TIMM21: variants seen among roughly 807,000 people sequenced by gnomAD.
TIMM21 encodes translocase of inner mitochondrial membrane 21.
TIMM21 carries 30 observed loss-of-function variants against 27.7 expected under a neutral mutation model. The observed-to-expected ratio is 1.08, with a 90% CI of 0.81 to 1.47. TIMM21 has a LOEUF of 1.47. Ranked by LOEUF, TIMM21 falls within the 40% of genes most tolerant of loss-of-function variation. The pLI, the probability that TIMM21 is intolerant of heterozygous loss-of-function variation, is 0.00. For missense variants in TIMM21, 292 were observed against 302.9 expected, an observed-to-expected ratio of 0.96 and a Z score of 0.27; for synonymous variants, 121 against 114.4, an observed-to-expected ratio of 1.06 and a Z score of -0.37.
Position 74,158,008 on chromosome 18 carries a change from C to G in TIMM21, c.463-6C>G. On this transcript the variant is annotated splice_region_variant and splice_polypyrimidine_tract_variant and intron_variant, in intron 3 of 5. Coordinates refer to ENST00000169551, the MANE Select transcript of TIMM21 (RefSeq NM_014177.3). Reference sequence around the variant, plus strand: ...CACAAAATAAAGCACTGTCCTTGTTCTGCAGGTGATCGGTGTCTTTGGTGA... The same window carrying G: ...CACAAAATAAAGCACTGTCCTTGTTGTGCAGGTGATCGGTGTCTTTGGTGA... The G allele has an allele frequency of 6.2e-7, 1 of 1,614,054 alleles. No homozygotes were observed. The highest frequency in any genetic ancestry group is 8.5e-7 in the Non-Finnish European group (1 of 1,179,946).
At chr18:74,153,939 T>C (rs1481031471) in intron 1 of TIMM21, among the ~76,000 whole-genome samples, 7 of 152,020 alleles carry the variant, frequency 4.6e-5, no homozygotes, top group Non-Finnish European at 1.0e-4. Flanking sequence ...ATAAACATAA[T>C]GCCAGGAGGT....
intron 1 of TIMM21, among the ~76,000 whole-genome samples, chr18:74,154,422 C>T (rs944903313): frequency 5.9e-5 from 9 of 152,108 alleles, no homozygotes; most frequent in African/African-American, 1.4e-4. Context: ...CCACTGCGCC[C>T]GGGTAATTTT....
chr18:74,155,162 G>C lies in TIMM21; in HGVS notation c.319G>C (p.Asp107His). 4 of 1,614,222 alleles carry C rather than the reference G, an allele frequency of 2.5e-6. No homozygotes were observed. Among genetic ancestry groups the C allele is most frequent in the Non-Finnish European group, 3.4e-6 (4 of 1,180,038 alleles). ...CTTCACAGTGAAAGAAGCCGGAAGA[G>C]ATTTTACCTATTTAATAGTGGTGCT... Reference protein sequence around the residue: ...TSQKVKEAGRDFTYLIVVLFG... With the variant: ...TSQKVKEAGRHFTYLIVVLFG... The change falls in exon 2 of 6, where the codon GAT becomes CAT. Residue 107 changes from aspartate to histidine, a missense_variant. Coordinates refer to ENST00000169551, the MANE Select transcript of TIMM21 (RefSeq NM_014177.3).
intron 3 of TIMM21, chr18:74,156,997 T>C (rs937896944): frequency 5.9e-5 from 9 of 152,236 alleles, no homozygotes; most frequent in Non-Finnish European, 1.3e-4. Context: ...TACATATTAC[T>C]TCTTTTTATC....
intron 3 of TIMM21, chr18:74,156,212 C>T (rs574712302): frequency 5.0e-6 from 2 of 398,502 alleles, no homozygotes; most frequent in South Asian, 2.5e-4. Context: ...AGGTAATCGT[C>T]TGCCATTATC....
chr18:74,154,185 C>T (rs1354546736), intron 1 of TIMM21, among the ~76,000 whole-genome samples: 1 of 152,018 alleles, frequency 6.6e-6, no homozygotes, highest in African/African-American at 2.4e-5. Context: ...GACAAATAAG[C>T]GTACTTGTAT....
chr18:74,150,568 C>G (rs544603330), intron 1 of TIMM21, among the ~76,000 whole-genome samples: 1 of 152,174 alleles, frequency 6.6e-6, no homozygotes, highest in Non-Finnish European at 1.5e-5. Flanking sequence ...CTGTTATTAT[C>G]TGTTTCATGT....
chr18:74,151,196 G>T (rs1471892880), intron 1 of TIMM21, among the ~76,000 whole-genome samples: 1 of 152,154 alleles, frequency 6.6e-6, no homozygotes, highest in Non-Finnish European at 1.5e-5. Context: ...AGGACGGGGG[G>T]AGTCAGTTAC....
intron 3 of TIMM21, 95 bp downstream of exon 3, chr18:74,155,498 C>G: frequency 1.0e-6 from 1 of 986,666 alleles, no homozygotes; most frequent in South Asian, 1.6e-5. Context: ...AGTTCTCACG[C>G]TAGTGAAATT....
At chr18:74,157,812 G>A in intron 3 of TIMM21, 1 of 588,428 alleles carries the variant, frequency 1.7e-6, no homozygotes, top group Non-Finnish European at 3.0e-6. Context: ...GGCCAGGCTA[G>A]TCTTGAACTC....
intron 1 of TIMM21, among the ~76,000 whole-genome samples, chr18:74,154,862 C>T (rs1439693413): frequency 1.3e-5 from 2 of 152,184 alleles, no homozygotes; most frequent in Non-Finnish European, 2.9e-5. Flanking sequence ...AGCACTCTTC[C>T]TAATCTGGGA....
intron 3 of TIMM21, 24 bp from the exon 4 acceptor site, chr18:74,157,985 CAAAAT>C: frequency 1.9e-6 from 3 of 1,604,894 alleles, no homozygotes; most frequent in African/African-American, 1.3e-5. Flanking sequence ...AAAAATAACA[CAAAAT>C]AAAGCACTGT....
rs1034472163 is a variant in TIMM21, at chr18:74,148,712, T to C, written c.-97T>C. On this transcript the variant is annotated 5_prime_UTR_variant, in exon 1 of 6. Transcript: ENST00000169551. The stretch of plus-strand genomic sequence containing the variant: ...TAACACCCCATGTAATGTAAACGTA[T>C]AGGCTTGAGTACGTGTCCGGCCGCA... 7.9e-7 allele frequency: 1 copy of C among 1,260,212 alleles called. No individual in the cohort carries two copies. The highest frequency in any genetic ancestry group is 1.1e-6 in the Non-Finnish European group (1 of 901,556). 78.1% of individuals were successfully genotyped at this position (1,260,212 alleles called of 1,614,324 possible). A position where few individuals can be genotyped will look rare whatever the true frequency, so the allele number is the denominator to read the frequency against.
At chr18:74,155,793 T>C (rs1365885808) in intron 3 of TIMM21, among the ~76,000 whole-genome samples, 1 of 152,200 alleles carries the variant, frequency 6.6e-6, no homozygotes, top group Non-Finnish European at 1.5e-5. Flanking sequence ...TCTCAGTGCA[T>C]CATCTTTATT....
At chr18:74,155,442 G>A (rs775851315) in intron 3 of TIMM21, 39 bp downstream of exon 3, 1 of 1,534,032 alleles carries the variant, frequency 6.5e-7, no homozygotes, top group East Asian at 2.2e-5. Context: ...CTCTGATGAG[G>A]GGGAGAAAAT....
chr18:74,157,649 T>G (rs3794949), intron 3 of TIMM21: 41,674 of 172,060 alleles, frequency 0.24, 8,027 homozygotes, highest in African/African-American at 0.54. Context: ...AGGCTGGAGT[T>G]CAGTGGCACG....
intron 1 of TIMM21, among the ~76,000 whole-genome samples, chr18:74,153,056 T>C (rs1002399764): frequency 3.9e-5 from 6 of 152,174 alleles, no homozygotes; most frequent in Non-Finnish European, 5.9e-5. Flanking sequence ...CCGCTACCAG[T>C]GCTCCCTGCA....
chr18:74,149,643 T>G (rs1979742187), intron 1 of TIMM21, among the ~76,000 whole-genome samples: 1 of 149,280 alleles, frequency 6.7e-6, no homozygotes, highest in Admixed American at 6.6e-5. Context: ...CGAAGATGAC[T>G]ATTTTTAACA....
At position 74,159,755 on chromosome 18, in the gene TIMM21, T is replaced by C. The variant is rs1362085779; in HGVS notation, c.*1275T>C. The C allele has an allele frequency of 6.6e-6, 1 of 152,220 alleles. No homozygotes were observed. The allele number at this position is 152,220 out of a possible 1,614,324, so 9.4% of individuals were successfully genotyped here. Reference sequence around the variant, plus strand: ...GCTTTCTCTCCTAATCGTTTTTTCCTTTGCTATAGAATGTTCAGTTTCAGG... The same window carrying C: ...GCTTTCTCTCCTAATCGTTTTTTCCCTTGCTATAGAATGTTCAGTTTCAGG... On this transcript the variant is annotated 3_prime_UTR_variant, in exon 6 of 6. Coordinates refer to ENST00000169551, the MANE Select transcript of TIMM21 (RefSeq NM_014177.3).
Sources: gnomAD v4.1 joint callset for allele counts (sites outside exome capture counted in the v4.1 genomes callset) on GRCh38, gnomAD v4.1.1 for gene constraint, MANE v1.5 for transcripts, NCBI Gene and HGNC (gene_info 2026-07-23, HGNC 2026-07-21) for gene names.